NCOR2: variants seen among roughly 807,000 people sequenced by gnomAD.
NCOR2 encodes the protein CTG repeat protein 26.
A neutral mutation model predicts 262.9 loss-of-function variants in NCOR2; 81 were observed. The observed-to-expected ratio is 0.31, with a 90% confidence interval of 0.26 to 0.37. NCOR2 has a LOEUF of 0.37. Among genes scored for constraint, NCOR2 ranks in the 10% least tolerant of loss-of-function variants. NCOR2 has a pLI of 1.00. For missense variants in NCOR2, 3,385 were observed against 3,621.4 expected, an observed-to-expected ratio of 0.93 and a Z score of 1.68; for synonymous variants, 1,659 against 1,559.3, an observed-to-expected ratio of 1.06 and a Z score of -1.51.
intron 18 of NCOR2, among the ~76,000 whole-genome samples, chr12:124,375,111 C>T (rs1270730029): frequency 3.3e-5 from 5 of 152,228 alleles, no homozygotes; most frequent in East Asian, 1.9e-4. Flanking sequence ...TGGAGGCAGA[C>T]AGGTTAATCA....
At chr12:124,382,967 G>A (rs1176143887) in intron 17 of NCOR2, among the ~76,000 whole-genome samples, 2 of 152,180 alleles carry the variant, frequency 1.3e-5, no homozygotes, top group Non-Finnish European at 2.9e-5. Flanking sequence ...CGGCAGAGCT[G>A]GGGTACAAAG....
chr12:124,388,756 C>T lies in NCOR2; in HGVS notation c.1877-2869G>A, dbSNP rs531806222. The T allele has an allele frequency of 2.0e-4, 265 of 1,304,094 alleles. 1 individual carries two copies. The African/African-American group carries it at 3.3e-3, about 16-fold the overall frequency. The allele number at this position is 1,304,094 out of a possible 1,614,324, so 80.8% of individuals were successfully genotyped here. On this transcript the variant is annotated intron_variant, in intron 16 of 46. Transcript: ENST00000405201. ...AGGGCTGGGAAGATGCCCCAGGGAG[C>T]GGGCCGAAGTGGGCCGGCAGGCTGG...
At chr12:124,348,023 G>T in intron 29 of NCOR2, 112 bp from the exon 32 acceptor site, 1 of 1,451,358 alleles carries the variant, frequency 6.9e-7, no homozygotes, top group Non-Finnish European at 9.4e-7. Flanking sequence ...TGATGGTGGA[G>T]TAGGACCCAG....
rs1271422806 is a variant in NCOR2, at chr12:124,566,105, C to A, written c.-165+1203G>T. ...AACTCCCCCACCCCGCCCACAGGGT[C>A]CTCCCCTTATCCCCTCCTCCCCTCT... is the stretch of plus-strand genomic sequence containing the variant. On this transcript the variant is annotated intron_variant, in intron 1 of 32. Transcript: ENST00000458234. This position sits in a 1 kb window ranked among gnomAD's most constrained non-coding sequence, Gnocchi z 4.3. Among the ~76,000 whole-genome samples, 1 of 152,242 alleles carries A rather than the reference C, an allele frequency of 6.6e-6. No individual in the cohort carries two copies. Among genetic ancestry groups the A allele is most frequent in the East Asian group, 1.9e-4 (1 of 5,176 alleles).
intron 15 of NCOR2, among the ~76,000 whole-genome samples, chr12:124,398,393 C>G (rs1386754927): frequency 6.6e-6 from 1 of 152,238 alleles, no homozygotes; most frequent in Non-Finnish European, 1.5e-5. Context: ...TTATGCTGGG[C>G]TGGAGCTGTG....
Position 124,410,919 on chromosome 12 carries a change from A to T in NCOR2, c.1483-8358T>A, listed in dbSNP as rs2042544092. ...CTGGGAGAGGACAGACGGAGGAGGC[A>T]GGGGACAGGGGGCTGTAGTGGGAGG... On this transcript the variant is annotated intron_variant, in intron 13 of 46. Transcript: ENST00000405201. Among the ~76,000 whole-genome samples, 8 of 150,974 alleles carry T rather than the reference A, an allele frequency of 5.3e-5. No homozygotes were observed. In the South Asian group the frequency reaches 1.7e-3, roughly 32 times the overall value.
intron 31 of NCOR2, among the ~76,000 whole-genome samples, chr12:124,345,338 G>A (rs986418373): frequency 2.6e-5 from 4 of 152,158 alleles, no homozygotes; most frequent in African/African-American, 9.7e-5. Context: ...CCCACCCAAT[G>A]CCAAGCAGAA....
rs1348362079 is a variant in NCOR2 at position 124,438,049 on chromosome 12, C to T, written c.816-53G>A. On this transcript the variant is annotated intron_variant, in intron 7 of 46. Transcript: ENST00000405201. ...TCAGCCCGGCCGGGCTCAGGCGCTGCACCCCGTGCCATCCTGTTTGCTGAG... is the reference window on the plus strand; with the variant it reads ...TCAGCCCGGCCGGGCTCAGGCGCTGTACCCCGTGCCATCCTGTTTGCTGAG... The T allele has an allele frequency of 3.9e-6, 6 of 1,530,636 alleles. No homozygotes were observed. The East Asian group carries it at 7.1e-5, about 18-fold the overall frequency. The allele number at this position is 1,530,636 out of a possible 1,614,324, so 94.8% of individuals were successfully genotyped here.
At chr12:124,478,360 T>A (rs1158112060) in intron 3 of NCOR2, among the ~76,000 whole-genome samples, 1 of 152,234 alleles carries the variant, frequency 6.6e-6, no homozygotes, top group Non-Finnish European at 1.5e-5. Context: ...GAGATAGTGC[T>A]ATTTGTGACA....
chr12:124,391,622 T>C (rs2041312049), intron 16 of NCOR2, among the ~76,000 whole-genome samples: 1 of 152,210 alleles, frequency 6.6e-6, no homozygotes, highest in Non-Finnish European at 1.5e-5. Flanking sequence ...ATCAGGATGT[T>C]GGCTGGATAA....
chr12:124,480,440 C>T (rs1362024584), intron 3 of NCOR2, among the ~76,000 whole-genome samples: 2 of 152,356 alleles, frequency 1.3e-5, no homozygotes, highest in East Asian at 3.9e-4. Context: ...GCGATTCCCC[C>T]ACCAGCCCTG....
chr12:124,442,363 C>T (rs1002302056), intron 7 of NCOR2, among the ~76,000 whole-genome samples: 2 of 152,220 alleles, frequency 1.3e-5, no homozygotes, highest in Admixed American at 6.5e-5. Flanking sequence ...TCGTCTCCAA[C>T]TCCTAGCCTC....
exon 47 of NCOR2, chr12:124,325,377 G>GGC: frequency 2.5e-4 from 62 of 246,706 alleles, no homozygotes; most frequent in Non-Finnish European, 3.1e-4. Context: ...ACCTGACACC[G>GGC]CCCCCCCCCC....
chr12:124,475,024 G>A (rs1159919852), intron 3 of NCOR2, among the ~76,000 whole-genome samples: 1 of 152,094 alleles, frequency 6.6e-6, no homozygotes, highest in Non-Finnish European at 1.5e-5. Context: ...GCCATCCTCA[G>A]GGCCTCTGTC....
At chr12:124,530,701 C>A (rs919804320) in intron 1 of NCOR2, among the ~76,000 whole-genome samples, 2 of 152,186 alleles carry the variant, frequency 1.3e-5, no homozygotes, top group Admixed American at 6.5e-5. Context: ...TAGGGCAAAT[C>A]GCTTTGCCTC....
At chr12:124,436,745 T>G (rs1461228345) in intron 8 of NCOR2, among the ~76,000 whole-genome samples, 1 of 152,002 alleles carries the variant, frequency 6.6e-6, no homozygotes, top group African/African-American at 2.4e-5. Flanking sequence ...GCTATGGGAA[T>G]TCAGGTTCAG....
intron 18 of NCOR2, among the ~76,000 whole-genome samples, chr12:124,376,388 C>G (rs549027881): frequency 6.6e-6 from 1 of 152,370 alleles, no homozygotes; most frequent in African/African-American, 2.4e-5. Flanking sequence ...AATGCTCCCA[C>G]CAAGCCTGCA....
chr12:124,449,711 T>C, intron 7 of NCOR2, 104 bp downstream of exon 9: 1 of 1,294,126 alleles, frequency 7.7e-7, no homozygotes, highest in Non-Finnish European at 1.1e-6. Context: ...CGGGAGCCCC[T>C]GATGGGAACA....
chr12:124,549,266 G>C lies in NCOR2; in HGVS notation c.-164-13655C>G, dbSNP rs182911972. 1.9e-4 allele frequency among the ~76,000 whole-genome samples: 29 copies of C among 152,190 alleles called. No homozygotes were observed. Among genetic ancestry groups the C allele is most frequent in the Admixed American group, 1.8e-3 (28 of 15,280 alleles). On this transcript the variant is annotated intron_variant, in intron 1 of 32. Transcript: ENST00000458234. The surrounding 1 kb of genome is among the most constrained non-coding windows in gnomAD (Gnocchi z 4.4). ...CTGAGACAGGCAGGCACGCAGCTGA[G>C]GGGCTGGCGGTGGGAGGGGCAGGGC...
Sources: allele counts gnomAD v4.1 joint callset (sites outside exome capture counted in the v4.1 genomes callset), GRCh38; gene constraint gnomAD v4.1.1; non-coding constraint Gnocchi (gnomAD v3.1); transcripts MANE v1.5; gene names NCBI Gene and HGNC (gene_info 2026-07-23, HGNC 2026-07-21).